The following MUC3A variants were observed in gnomAD, a reference collection of about 807,000 sequenced individuals.
MUC3A encodes mucin 3A, cell surface associated.
MUC3A carries 109 observed loss-of-function variants against 109.0 expected under a neutral mutation model. That is an observed-to-expected ratio of 1.00 (90% CI 0.86 to 1.17). MUC3A has a LOEUF of 1.17. Among genes scored for constraint, MUC3A ranks in the 50% most tolerant of loss-of-function variants. The pLI is 0.00. For synonymous variants in MUC3A, 1,398 were observed against 981.4 expected (o/e 1.42, Z -7.93); for missense variants, 3,537 against 2,469.4 (o/e 1.43, Z -9.16).
In MUC3A at chr7:100,967,143, T is replaced by A; in HGVS notation, c.9953T>A (p.Met3318Lys). 1 of 1,598,548 alleles carries A rather than the reference T, an allele frequency of 6.3e-7. No homozygotes were observed. Among genetic ancestry groups the A allele is most frequent in the Non-Finnish European group, 8.5e-7 (1 of 1,179,824 alleles). ...TMKVHIKRPEMTSSSV is the reference protein window; with the variant it reads ...TMKVHIKRPEKTSSSV ...CAGGTGCACATCAAGAGACCCGAGA[T>A]GACCTCGTCCTCAGTGTGAGCCCTG... The change falls in exon 12 of 12, where the codon ATG becomes AAG. Residue 3318 changes from methionine (M) to lysine (K), a missense_variant. By Grantham distance (95) the Met-to-Lys change is moderately conservative. Coordinates refer to ENST00000379458, the MANE Select transcript of MUC3A (RefSeq NM_005960.2).
At chr7:100,962,602 C>G in intron 3 of MUC3A, among the ~76,000 whole-genome samples, 1 of 152,304 alleles carries the variant, frequency 6.6e-6, no homozygotes, top group East Asian at 1.9e-4. Context: ...CACTCATCTC[C>G]ACACAATTCC....
chr7:100,958,578 T>TAC lies in MUC3A; in HGVS notation c.6799_6800insAC (p.Ser2267TyrfsTer28). ...TTCGATCACCACCACTGAGACCACC[T>TAC]CACATGATACTCCCAGCTTCACTTC... On this transcript the variant is annotated frameshift_variant, in exon 2 of 12. Coordinates refer to ENST00000379458, the MANE Select transcript of MUC3A (RefSeq NM_005960.2). LOFTEE classifies it high-confidence loss of function. The TAC allele has an allele frequency of 7.0e-7, 1 of 1,421,982 alleles. No individual in the cohort carries two copies. Among genetic ancestry groups the TAC allele is most frequent in the South Asian group, 1.2e-5 (1 of 86,688 alleles). The allele number at this position is 1,421,982 out of a possible 1,614,324, so 88.1% of individuals were successfully genotyped here.
In MUC3A at chr7:100,952,090, C is replaced by G; in HGVS notation, c.311C>G (p.Pro104Arg). ...GTCAGTTCCAACACCTCAACCACCC[C>G]GACGTCCAAGTTTGCCTTCAAGGTT... ...SPVSSNTSTTPTSKFAFKVET... is the reference protein window; with the variant it reads ...SPVSSNTSTTRTSKFAFKVET... The change falls in exon 2 of 12, where the codon CCG becomes CGG. Residue 104 changes from proline (P) to arginine (R), a missense_variant. By Grantham distance (103) the Pro-to-Arg change is moderately radical. Transcript: ENST00000379458. The G allele has an allele frequency of 6.3e-7, 1 of 1,598,636 alleles. No individual in the cohort carries two copies. The highest frequency in any genetic ancestry group is 8.5e-7 in the Non-Finnish European group (1 of 1,179,814).
At position 100,958,906 on chromosome 7, in the gene MUC3A, G is replaced by A. The variant is rs62483695; in HGVS notation, c.7127G>A (p.Ser2376Asn). The change falls in exon 2 of 12, where the codon AGT (serine) becomes AAT (asparagine). Residue 2376 changes from serine (S) to asparagine (N), a missense_variant. Coordinates refer to ENST00000379458, the MANE Select transcript of MUC3A (RefSeq NM_005960.2). ...ETTSHSTPSF[S>N]SSITTTETPL... ...ACCTCACACAGTACTCCCAGCTTCA[G>A]TTCTTCAATCACCACCACTGAGACC... 8 of 517,278 alleles carry A rather than the reference G, an allele frequency of 1.5e-5. No individual in the cohort carries two copies. In the South Asian group the frequency reaches 2.4e-4, roughly 15 times the overall value. 32.0% of individuals were successfully genotyped at this position (517,278 alleles called of 1,614,324 possible).
In MUC3A at chr7:100,957,292, A is replaced by G; in HGVS notation, c.5513A>G (p.Glu1838Gly). The G allele has an allele frequency of 1.8e-6, 1 of 560,288 alleles. No homozygotes were observed. Among genetic ancestry groups the G allele is most frequent in the Non-Finnish European group, 3.1e-6 (1 of 319,860 alleles). 34.7% of individuals were successfully genotyped at this position (560,288 alleles called of 1,614,324 possible). ...NSDTSSTPTS[E>G]TTYPTSLTSA... ...GACACCAGTTCTACACCTACATCTG[A>G]GACCACCTACCCTACTTCTCTTACT... The change falls in exon 2 of 12, where the codon GAG becomes GGG. Residue 1838 changes from glutamate to glycine, a missense_variant. By Grantham distance (98) the Glu-to-Gly change is moderately conservative. Coordinates refer to ENST00000379458, the MANE Select transcript of MUC3A (RefSeq NM_005960.2).
intron 1 of MUC3A, among the ~76,000 whole-genome samples, chr7:100,950,013 C>T (rs1348985219): frequency 6.6e-6 from 1 of 152,296 alleles, no homozygotes; most frequent in Non-Finnish European, 1.5e-5. Flanking sequence ...GTGGGATTTA[C>T]GTCTTCCCAG....
intron 3 of MUC3A, among the ~76,000 whole-genome samples, chr7:100,962,682 C>G (rs1050103901): frequency 1.2e-3 from 100 of 83,160 alleles, no homozygotes; most frequent in African/African-American, 4.8e-3. Flanking sequence ...TTTTTTCTTT[C>G]TCTTTTTCTT....
chr7:100,961,190 C>G (rs1172777575), intron 3 of MUC3A, among the ~76,000 whole-genome samples: 1 of 152,312 alleles, frequency 6.6e-6, no homozygotes, highest in African/African-American at 2.4e-5. Flanking sequence ...GTATCAGTTT[C>G]CAACTGCTGC....
chr7:100,952,076 C>T lies in MUC3A; in HGVS notation c.297C>T (p.Asn99=), dbSNP rs779384118. 6.3e-7 allele frequency: 1 copy of T among 1,598,648 alleles called. No homozygotes were observed. Among genetic ancestry groups the T allele is most frequent in the Admixed American group, 1.7e-5 (1 of 60,026 alleles). The change falls in exon 2 of 12, where the codon AAC becomes AAT. Residue 99 remains asparagine (N), a synonymous_variant. Coordinates refer to ENST00000379458, the MANE Select transcript of MUC3A (RefSeq NM_005960.2). ...TGCTCAACTCTCCAGTCAGTTCCAA[C>T]ACCTCAACCACCCCGACGTCCAAGT... ...ETLLNSPVSS[N]TSTTPTSKFA...
chr7:100,964,598 C>G, intron 5 of MUC3A, 97 bp from the exon 6 acceptor site: 1 of 1,464,606 alleles, frequency 6.8e-7, no homozygotes, highest in Non-Finnish European at 9.1e-7. Context: ...CTGCTCCCTT[C>G]CCCCTTCTGG....
Position 100,967,256 on chromosome 7 carries a change from C to G in MUC3A, c.*94C>G. 3 of 1,555,172 alleles carry G rather than the reference C, an allele frequency of 1.9e-6. No individual in the cohort carries two copies. The highest frequency in any genetic ancestry group is 2.6e-6 in the Non-Finnish European group (3 of 1,150,840). ...TCAAGAGGTGGCCCCAGGACGCGGGCAGCCCAGGCTCCTGCTGTTCTTGGG... is the reference window on the plus strand; with the variant it reads ...TCAAGAGGTGGCCCCAGGACGCGGGGAGCCCAGGCTCCTGCTGTTCTTGGG... On this transcript the variant is annotated 3_prime_UTR_variant, in exon 12 of 12. Transcript: ENST00000379458.
chr7:100,966,243 A>AGACCCCTCCGCTTG, intron 8 of MUC3A, 143 bp from the exon 9 acceptor site: 2 of 827,614 alleles, frequency 2.4e-6, no homozygotes, highest in East Asian at 3.5e-5. Context: ...TCTAGGGTGG[A>AGACCCCTCCGCTTG]TTCCCAGCCC....
intron 1 of MUC3A, 71 bp from the exon 2 acceptor site, chr7:100,951,770 C>T: frequency 6.4e-7 from 1 of 1,558,806 alleles, no homozygotes; most frequent in Non-Finnish European, 8.6e-7. Flanking sequence ...GAGTGAGTAG[C>T]TTACATGAGT....
At chr7:100,966,620 G>A (rs1250704667) in intron 9 of MUC3A, 32 bp from the exon 10 acceptor site, 1 of 1,598,398 alleles carries the variant, frequency 6.3e-7, no homozygotes, top group East Asian at 2.2e-5. Context: ...AGGCGGGCCG[G>A]CTCTGTCTGA....
rs757467102 is a variant in MUC3A at position 100,959,494 on chromosome 7, T to A, written c.7715T>A (p.Val2572Asp). ...PISSFSTSIVVIPETPTQTPP... is the reference protein window; with the variant it reads ...PISSFSTSIVDIPETPTQTPP... ...AGTTCCTTTAGCACAAGTATTGTTG[T>A]TATACCTGAAACCCCAACACAGACC... is the stretch of plus-strand genomic sequence containing the variant. The change falls in exon 2 of 12, where the codon GTT becomes GAT. Residue 2572 changes from valine (V) to aspartate (D), a missense_variant. Physicochemically the swap from Val to Asp is radical, Grantham distance 152. Coordinates refer to ENST00000379458, the MANE Select transcript of MUC3A (RefSeq NM_005960.2). 4 of 1,586,100 alleles carry A rather than the reference T, an allele frequency of 2.5e-6. No homozygotes were observed. In the Admixed American group the frequency reaches 6.9e-5, roughly 27 times the overall value.
chr7:100,950,634 T>A (rs911813241), intron 1 of MUC3A, among the ~76,000 whole-genome samples: 1 of 152,306 alleles, frequency 6.6e-6, no homozygotes, highest in Non-Finnish European at 1.5e-5. Flanking sequence ...TACCTCCCAC[T>A]TCCCATCTGC....
chr7:100,955,703 A>G lies in MUC3A; in HGVS notation c.3924A>G (p.Pro1308=). 2.4e-6 allele frequency: 1 copy of G among 425,344 alleles called. No individual in the cohort carries two copies. Among genetic ancestry groups the G allele is most frequent in the Non-Finnish European group, 4.1e-6 (1 of 243,562 alleles). 26.3% of individuals were successfully genotyped at this position (425,344 alleles called of 1,614,324 possible). A position where few individuals can be genotyped will look rare whatever the true frequency, so the allele number is the denominator to read the frequency against. ...TTHTETISSL[P]ASTNTIHTTA... The stretch of plus-strand genomic sequence containing the variant: ...ACACAGAGACTATTTCCTCACTTCC[A>G]GCCAGCACCAATACAATCCACACAA... Residue 1308 remains proline, a synonymous_variant, in exon 2 of 12, where the codon CCA becomes CCG. Transcript: ENST00000379458.
chr7:100,966,243 A>AGACCCG, intron 8 of MUC3A, 143 bp from the exon 9 acceptor site: 2 of 827,616 alleles, frequency 2.4e-6, no homozygotes, highest in Non-Finnish European at 1.6e-6. Context: ...TCTAGGGTGG[A>AGACCCG]TTCCCAGCCC....
At position 100,966,432 on chromosome 7, in the gene MUC3A, G is replaced by C; in HGVS notation, c.9658G>C (p.Val3220Leu). 1 of 1,349,220 alleles carries C rather than the reference G, an allele frequency of 7.4e-7. No individual in the cohort carries two copies. The highest frequency in any genetic ancestry group is 9.5e-7 in the Non-Finnish European group (1 of 1,057,634). The allele number at this position is 1,349,220 out of a possible 1,614,324, so 83.6% of individuals were successfully genotyped here. ...CTGGTTCTCTGGCCCGCGCTGCGAGGTGGCCGTCCACTGGAGGGCGCTGGT... is the reference window on the plus strand; with the variant it reads ...CTGGTTCTCTGGCCCGCGCTGCGAGCTGGCCGTCCACTGGAGGGCGCTGGT... The part of the protein sequence containing the change: ...THWFSGPRCE[V>L]AVHWRALVGG... The change falls in exon 9 of 12, where the codon GTG becomes CTG. Residue 3220 changes from valine to leucine, a missense_variant. Coordinates refer to ENST00000379458, the MANE Select transcript of MUC3A (RefSeq NM_005960.2).
Sources: allele counts gnomAD v4.1 joint callset (sites outside exome capture counted in the v4.1 genomes callset), GRCh38; gene constraint gnomAD v4.1.1; transcripts MANE v1.5; gene names NCBI Gene and HGNC (gene_info 2026-07-23, HGNC 2026-07-21).